CCDC7: variants seen among roughly 807,000 people sequenced by gnomAD.
CCDC7 encodes coiled-coil domain-containing protein 7.
A neutral mutation model predicts 196.9 loss-of-function variants in CCDC7; 183 were observed. The ratio of observed to expected loss-of-function variants is 0.93; its 90% CI spans 0.82 to 1.05. CCDC7 has a LOEUF of 1.05. Ranked by LOEUF, CCDC7 falls within the 50% of genes least tolerant of loss-of-function variation. The probability of loss-of-function intolerance (pLI) is 0.00; values close to 1 mark genes in which losing one functional copy is unlikely to be tolerated. For synonymous variants in CCDC7, 525 were observed against 484.6 expected (o/e 1.08, Z -1.10); for missense variants, 1,540 against 1,482.2 (o/e 1.04, Z -0.64).
intron 3 of CCDC7, among the ~76,000 whole-genome samples, chr10:32,461,709 G>GTATATA (rs771403958): frequency 1.7e-5 from 1 of 57,482 alleles, no homozygotes; most frequent in African/African-American, 7.8e-5. Context: ...GTGTGTGTGT[G>GTATATA]TATATATATA....
chr10:32,472,694 A>C, intron 7 of CCDC7, 152 bp downstream of exon 8: 153 of 644,442 alleles, frequency 2.4e-4, no homozygotes, highest in East Asian at 2.9e-4. Flanking sequence ...TCTTGGGCTC[A>C]AGTGATCCTC....
intron 31 of CCDC7, 32 bp from the exon 33 acceptor site, chr10:32,824,486 A>G (rs1425842580): frequency 7.1e-7 from 1 of 1,404,506 alleles, no homozygotes; most frequent in Non-Finnish European, 1.0e-6. Flanking sequence ...TACATTAAAA[A>G]AGTGTTTTGA....
intron 16 of CCDC7, 140 bp from the exon 18 acceptor site, chr10:32,582,894 T>C (rs543012557): frequency 7.3e-5 from 35 of 481,436 alleles, no homozygotes; most frequent in Non-Finnish European, 1.0e-4. Flanking sequence ...CTAGCATCAA[T>C]TTCATATTGG....
chr10:32,498,333 C>A (rs1304082632), intron 9 of CCDC7, among the ~76,000 whole-genome samples: 2 of 152,058 alleles, frequency 1.3e-5, no homozygotes, highest in Non-Finnish European at 2.9e-5. Context: ...TACTCTTTGT[C>A]CAATTTGCCA....
At chr10:32,495,168 AGTTT>A (rs2042723551) in intron 9 of CCDC7, among the ~76,000 whole-genome samples, 1 of 152,102 alleles carries the variant, frequency 6.6e-6, no homozygotes, top group Non-Finnish European at 1.5e-5. Context: ...TATTTTTATA[AGTTT>A]GTTGGCTGCA....
At chr10:32,754,663 G>A (rs182121349) in intron 28 of CCDC7, among the ~76,000 whole-genome samples, 16 of 152,196 alleles carry the variant, frequency 1.1e-4, no homozygotes, top group Admixed American at 2.6e-4. Flanking sequence ...GTTCCAAGAG[G>A]GCTGACTAGG....
rs182139382 is a variant in CCDC7 at position 32,586,173 on chromosome 10, T to C, written c.1801+1869T>C. ...GTTTGTTGGCCGCATAAATGTCTTCTTTTGAAAAGTGTCTGTTCATATCCT... is the reference window on the plus strand; with the variant it reads ...GTTTGTTGGCCGCATAAATGTCTTCCTTTGAAAAGTGTCTGTTCATATCCT... On this transcript the variant is annotated intron_variant, in intron 18 of 41. Transcript: ENST00000639629. Among the ~76,000 whole-genome samples the C allele has an allele frequency of 1.2e-4, 19 of 152,340 alleles. No homozygotes were observed. The East Asian group carries it at 3.5e-3, about 28-fold the overall frequency.
intron 18 of CCDC7, among the ~76,000 whole-genome samples, chr10:32,590,003 AATCT>A (rs1229341220): frequency 6.6e-6 from 1 of 152,038 alleles, no homozygotes; most frequent in Non-Finnish European, 1.5e-5. Context: ...GATTTTTTCA[AATCT>A]ATTCAGCTAC....
intron 24 of CCDC7, among the ~76,000 whole-genome samples, chr10:32,702,679 G>A (rs555457760): frequency 1.3e-5 from 2 of 152,026 alleles, no homozygotes; most frequent in Admixed American, 6.6e-5. Flanking sequence ...GTCTCTAAGG[G>A]CTTTCTTTAT....
At chr10:32,695,324 CCTT>C (rs1453486589) in intron 24 of CCDC7, among the ~76,000 whole-genome samples, 2 of 152,152 alleles carry the variant, frequency 1.3e-5, no homozygotes, top group African/African-American at 4.8e-5. Flanking sequence ...GTGGCAGTAT[CCTT>C]CTGTCATAGA....
intron 9 of CCDC7, chr10:32,511,533 A>C: frequency 3.1e-6 from 5 of 1,607,032 alleles, no homozygotes; most frequent in Non-Finnish European, 4.3e-6. Context: ...GTTGCCAAAT[A>C]AACCCAAAAC....
intron 41 of CCDC7, among the ~76,000 whole-genome samples, chr10:32,869,030 C>T (rs1228067703): frequency 1.1e-4 from 17 of 152,150 alleles, no homozygotes; most frequent in African/African-American, 2.9e-4. Context: ...AATAAACATA[C>T]GCGTGCATGT....
chr10:32,686,041 A>G (rs1762526), exon 22 of CCDC7: 1,549,871 of 1,573,298 alleles, frequency 0.99, 765,966 homozygotes, highest in East Asian at 1. Flanking sequence ...CAAATTACAA[A>G]TAAAGAAACA....
rs548187866 is a variant in CCDC7, at chr10:32,613,606, T to G, written c.1802-20648T>G. On this transcript the variant is annotated intron_variant, in intron 18 of 41. Transcript: ENST00000639629. Reference sequence around the variant, plus strand: ...TAGCTGTGTCCCAGAGATTCTGGTATGCTGTGCCTTTCTTCTCATTTGTTT... The same window carrying G: ...TAGCTGTGTCCCAGAGATTCTGGTAGGCTGTGCCTTTCTTCTCATTTGTTT... 2.6e-5 allele frequency among the ~76,000 whole-genome samples: 4 copies of G among 152,334 alleles called. No homozygotes were observed. In the East Asian group the frequency reaches 7.7e-4, roughly 29 times the overall value.
chr10:32,711,046 C>T (rs2080739068), intron 24 of CCDC7, among the ~76,000 whole-genome samples: 1 of 151,988 alleles, frequency 6.6e-6, no homozygotes, highest in African/African-American at 2.4e-5. Context: ...ATATCATAAA[C>T]CATATATATT....
At chr10:32,491,870 T>A in intron 8 of CCDC7, 52 bp from the exon 10 acceptor site, 1 of 1,497,546 alleles carries the variant, frequency 6.7e-7, no homozygotes, top group South Asian at 1.4e-5. Context: ...CATAGAGCTA[T>A]AACTTAAGCT....
rs528387346 is a variant in CCDC7, at chr10:32,800,155, T to C, written c.3014-4860T>C. On this transcript the variant is annotated intron_variant, in intron 29 of 41. Transcript: ENST00000639629. Reference sequence around the variant, plus strand: ...CCACCTGTCTTCTACACAGGCCAAATGGGAGAGTTGAACAGGGATGTGGTG... The same window carrying C: ...CCACCTGTCTTCTACACAGGCCAAACGGGAGAGTTGAACAGGGATGTGGTG... Among the ~76,000 whole-genome samples, 5 of 152,288 alleles carry C rather than the reference T, an allele frequency of 3.3e-5. No individual in the cohort carries two copies. The South Asian group carries it at 1.0e-3, about 32-fold the overall frequency.
At chr10:32,658,189 AT>A (rs1485867982) in intron 20 of CCDC7, among the ~76,000 whole-genome samples, 2 of 152,170 alleles carry the variant, frequency 1.3e-5, no homozygotes, top group African/African-American at 4.8e-5. Flanking sequence ...TTGCTTCTAC[AT>A]TTTTGGTTAT....
At position 32,544,489 on chromosome 10, in the gene CCDC7, A is replaced by G. The variant is rs577189245; in HGVS notation, c.1134+188A>G. The G allele has an allele frequency of 9.8e-6, 4 of 410,142 alleles. No individual in the cohort carries two copies. In the South Asian group the frequency reaches 4.0e-4, roughly 41 times the overall value. The allele number at this position is 410,142 out of a possible 1,614,324, so 25.4% of individuals were successfully genotyped here. ...TCTTTCTTGTTGATGGACTCTTCTC[A>G]TCAAAGTTCAGAGAATGAAATGTCA... On this transcript the variant is annotated intron_variant, in intron 13 of 41. Coordinates refer to ENST00000639629, the Ensembl canonical transcript of CCDC7.
Sources: gnomAD v4.1 joint callset for allele counts (sites outside exome capture counted in the v4.1 genomes callset) on GRCh38, gnomAD v4.1.1 for gene constraint, MANE v1.5 for transcripts, NCBI Gene and HGNC (gene_info 2026-07-23, HGNC 2026-07-21) for gene names.